FBXL17: variants seen among roughly 807,000 people sequenced by gnomAD.
FBXL17 encodes the protein F-box and leucine rich repeat protein 17.
Under a neutral mutation model 66.2 loss-of-function variants are expected in FBXL17, and 22 were observed. The observed-to-expected ratio is 0.33, with a 90% CI of 0.24 to 0.47. FBXL17 has a LOEUF of 0.47. Among genes scored for constraint, FBXL17 ranks in the 20% least tolerant of loss-of-function variants. FBXL17 has a pLI of 1.00. For missense variants in FBXL17, 878 were observed against 948.2 expected, an observed-to-expected ratio of 0.93 and a Z score of 0.97; for synonymous variants, 474 against 400.5, an observed-to-expected ratio of 1.18 and a Z score of -2.19.
intron 4 of FBXL17, among the ~76,000 whole-genome samples, chr5:108,312,638 T>C (rs1298983232): frequency 6.6e-6 from 1 of 151,776 alleles, no homozygotes; most frequent in Non-Finnish European, 1.5e-5. Context: ...CAAGACAAGG[T>C]AATACTATAG....
intron 4 of FBXL17, chr5:108,302,156 G>C (rs986458423): frequency 3.9e-6 from 1 of 254,056 alleles, no homozygotes; most frequent in African/African-American, 2.3e-5. Context: ...CAACTAAATT[G>C]ATATATCCAA....
rs548059358 is a variant in FBXL17 at position 108,040,577 on chromosome 5, C to G, written c.1746-19576G>C. ...ATAAGACGATATATATTTTCCCTGACATGCAAAGATTTCAAGAAATATTGC... is the reference window on the plus strand; with the variant it reads ...ATAAGACGATATATATTTTCCCTGAGATGCAAAGATTTCAAGAAATATTGC... On this transcript the variant is annotated intron_variant, in intron 6 of 8. Coordinates refer to ENST00000542267, the MANE Select transcript of FBXL17 (RefSeq NM_001163315.3). Among the ~76,000 whole-genome samples the G allele has an allele frequency of 1.7e-4, 26 of 152,234 alleles. No homozygotes were observed. The East Asian group carries it at 5.0e-3, about 29-fold the overall frequency.
chr5:108,312,202 A>G (rs1316440354), intron 4 of FBXL17, among the ~76,000 whole-genome samples: 2 of 152,192 alleles, frequency 1.3e-5, no homozygotes, highest in Non-Finnish European at 1.5e-5. Flanking sequence ...TACATAAAAC[A>G]TTCCTAGAAA....
chr5:108,042,184 G>A (rs1277863531), intron 6 of FBXL17, among the ~76,000 whole-genome samples: 4 of 152,172 alleles, frequency 2.6e-5, no homozygotes, highest in African/African-American at 9.7e-5. Flanking sequence ...GTGAGCCACC[G>A]CTCCTGGCCT....
chr5:108,086,556 C>T (rs1199663346), intron 6 of FBXL17, among the ~76,000 whole-genome samples: 10 of 151,914 alleles, frequency 6.6e-5, no homozygotes, highest in Non-Finnish European at 1.3e-4. Context: ...TTGGCTGTGA[C>T]TGTCTTTGTT....
intron 7 of FBXL17, among the ~76,000 whole-genome samples, chr5:107,929,658 T>C (rs1750662165): frequency 6.6e-6 from 1 of 152,070 alleles, no homozygotes; most frequent in Non-Finnish European, 1.5e-5. Context: ...GAAACAATGA[T>C]TCCAAGAAAT....
At chr5:108,359,070 T>C (rs1033371828) in intron 3 of FBXL17, among the ~76,000 whole-genome samples, 1 of 152,112 alleles carries the variant, frequency 6.6e-6, no homozygotes, top group African/African-American at 2.4e-5. Flanking sequence ...AATTTTTCCA[T>C]TTCTTCTAGC....
chr5:108,367,508 T>A (rs1337226560), intron 2 of FBXL17, among the ~76,000 whole-genome samples: 1 of 152,108 alleles, frequency 6.6e-6, no homozygotes, highest in Non-Finnish European at 1.5e-5. Context: ...ATGTTTGCCA[T>A]CATTTTCTAC....
intron 7 of FBXL17, among the ~76,000 whole-genome samples, chr5:107,996,844 C>T (rs1753493619): frequency 6.6e-6 from 1 of 152,148 alleles, no homozygotes; most frequent in Admixed American, 6.5e-5. Context: ...GAAGCTTATA[C>T]CTTTAAGCAG....
chr5:108,309,421 A>T (rs1020829683), intron 4 of FBXL17, among the ~76,000 whole-genome samples: 2 of 152,000 alleles, frequency 1.3e-5, no homozygotes, highest in African/African-American at 4.8e-5. Flanking sequence ...AACAAGCATT[A>T]CCTTTATTTT....
chr5:107,900,599 T>A (rs927947888), intron 7 of FBXL17, among the ~76,000 whole-genome samples: 7 of 102,110 alleles, frequency 6.9e-5, no homozygotes, highest in African/African-American at 2.6e-4. Flanking sequence ...CTGATTACAT[T>A]TTTTTAGATA....
At chr5:108,172,728 C>T (rs1232434486) in intron 6 of FBXL17, among the ~76,000 whole-genome samples, 3 of 152,170 alleles carry the variant, frequency 2.0e-5, no homozygotes, top group Admixed American at 1.3e-4. Context: ...GCCTTCAACA[C>T]TTTTCTATTT....
At chr5:108,136,751 C>T (rs1751150057) in intron 6 of FBXL17, among the ~76,000 whole-genome samples, 1 of 152,032 alleles carries the variant, frequency 6.6e-6, no homozygotes, top group Non-Finnish European at 1.5e-5. Flanking sequence ...CTGTGAGTGG[C>T]TATTATAAGG....
chr5:108,224,898 G>A (rs1755034600), intron 4 of FBXL17, among the ~76,000 whole-genome samples: 2 of 152,068 alleles, frequency 1.3e-5, no homozygotes, highest in Admixed American at 6.6e-5. Flanking sequence ...AAAGTGCTGG[G>A]ATTACAGGGG....
In FBXL17 at chr5:107,877,664, G is replaced by A. The variant is rs79551704; in HGVS notation, c.1965+3373C>T. ...TTCACAAACCACATCTCTCTCTAGT[G>A]CAGGGATCCTACTGACACCATTCCT... is the stretch of plus-strand genomic sequence containing the variant. On this transcript the variant is annotated intron_variant, in intron 8 of 8. Transcript: ENST00000542267. Among the ~76,000 whole-genome samples the A allele has an allele frequency of 6.6e-5, 10 of 152,196 alleles. No individual in the cohort carries two copies. The East Asian group carries it at 1.7e-3, about 26-fold the overall frequency.
intron 6 of FBXL17, among the ~76,000 whole-genome samples, chr5:108,144,949 A>G (rs929597088): frequency 6.6e-6 from 1 of 152,194 alleles, no homozygotes; most frequent in African/African-American, 2.4e-5. Context: ...TTAAAAATGC[A>G]AATGTGATAG....
intron 6 of FBXL17, among the ~76,000 whole-genome samples, chr5:108,154,614 T>C (rs867930357): frequency 1.4e-3 from 134 of 98,288 alleles, no homozygotes; most frequent in African/African-American, 4.8e-3. Context: ...AAAATATATA[T>C]ATACACACAC....
intron 7 of FBXL17, among the ~76,000 whole-genome samples, chr5:107,980,662 A>ATTTTTT (rs1428679219): frequency 1.5e-5 from 1 of 65,804 alleles, no homozygotes; most frequent in South Asian, 5.9e-4. Flanking sequence ...ATATATATAT[A>ATTTTTT]TATTTTTTTT....
chr5:108,367,338 A>G (rs78394735), intron 2 of FBXL17, among the ~76,000 whole-genome samples: 2 of 149,490 alleles, frequency 1.3e-5, no homozygotes, highest in African/African-American at 2.5e-5. Flanking sequence ...AAAGTTAAAG[A>G]AAAAAAAAAG....
Sources: gnomAD v4.1 joint callset for allele counts (sites outside exome capture counted in the v4.1 genomes callset) on GRCh38, gnomAD v4.1.1 for gene constraint, MANE v1.5 for transcripts, NCBI Gene and HGNC (gene_info 2026-07-23, HGNC 2026-07-21) for gene names.